The following BST2 variants were observed in gnomAD, a reference collection of about 807,000 sequenced individuals.
BST2 encodes bone marrow stromal cell antigen 2, also known as bone marrow stromal antigen 2.
In BST2, 10 loss-of-function variants were observed where a neutral mutation model predicts 18.6. The ratio of observed to expected loss-of-function variants is 0.54; its 90% CI spans 0.33 to 0.91. The LOEUF (loss-of-function observed/expected upper bound fraction) is 0.91, where lower values mean the gene tolerates loss of function less well. Among genes scored for constraint, BST2 ranks in the 40% least tolerant of loss-of-function variants. BST2 has a pLI of 0.02. For missense variants in BST2, 183 were observed against 228.4 expected (o/e 0.80, Z 1.28); for synonymous variants, 75 against 96.8 (o/e 0.77, Z 1.32).
At position 17,403,051 on chromosome 19, in the gene BST2, C is replaced by A. The variant is rs1017671684; in HGVS notation, c.*291G>T. On this transcript the variant is annotated 3_prime_UTR_variant, in exon 5 of 5. Coordinates refer to ENST00000252593, the MANE Select transcript of BST2 (RefSeq NM_004335.4). ...ATAACAACAGGCAGCACATGCCCCC[C>A]ACACCGCACCCCATGCCCAATCTCA... The A allele has an allele frequency of 2.0e-6, 2 of 985,158 alleles. No individual in the cohort carries two copies. The highest frequency in any genetic ancestry group is 2.4e-6 in the Non-Finnish European group (2 of 829,952). 61.0% of individuals were successfully genotyped at this position (985,158 alleles called of 1,614,324 possible).
rs746052733 is a variant in BST2 at position 17,405,264 on chromosome 19, G to A, written c.285+27C>T. The A allele has an allele frequency of 3.1e-6, 5 of 1,587,854 alleles. No homozygotes were observed. In the South Asian group the frequency reaches 4.6e-5, roughly 15 times the overall value. On this transcript the variant is annotated intron_variant, in intron 1 of 4. Transcript: ENST00000252593. Reference sequence around the variant, plus strand: ...TGTCCCTCCCACCGCCTAGTACTAGGCCATCCAAAGGAGTTGAGGAGCTTA... The same window carrying A: ...TGTCCCTCCCACCGCCTAGTACTAGACCATCCAAAGGAGTTGAGGAGCTTA...
Position 17,403,156 on chromosome 19 carries a change from C to A in BST2, c.*186G>T, listed in dbSNP as rs1452629532. On this transcript the variant is annotated 3_prime_UTR_variant, in exon 5 of 5. Coordinates refer to ENST00000252593, the MANE Select transcript of BST2 (RefSeq NM_004335.4). ...CAGCCCTGGGTCAACCCGACTGTGT[C>A]CCCACACCCAGGACTTCCCCATGGC... is the stretch of plus-strand genomic sequence containing the variant. The A allele has an allele frequency of 8.1e-6, 8 of 987,598 alleles. No individual in the cohort carries two copies. Among genetic ancestry groups the A allele is most frequent in the Non-Finnish European group, 9.6e-6 (8 of 831,474 alleles). 61.2% of individuals were successfully genotyped at this position (987,598 alleles called of 1,614,324 possible).
At position 17,405,489 on chromosome 19, in the gene BST2, C is replaced by G; in HGVS notation, c.87G>C (p.Leu29=). 1 of 1,614,232 alleles carries G rather than the reference C, an allele frequency of 6.2e-7. No homozygotes were observed. The highest frequency in any genetic ancestry group is 1.3e-5 in the African/African-American group (1 of 75,062). The change falls in exon 1 of 5, where the codon CTG becomes CTC. Residue 29 remains leucine (L), a synonymous_variant. Transcript: ENST00000252593. The stretch of plus-strand genomic sequence containing the variant: ...CCAGAATCACGATGATCAGGAGCAC[C>G]AGAATTCCTATCCCCAGCAGAAGCT... The part of the protein sequence containing the change: ...RCKLLLGIGI[L]VLLIIVILGV...
Position 17,403,292 on chromosome 19 carries a change from G to T in BST2, c.*50C>A. ...GATGAGATCAAGGGAATGTTCAAGC[G>T]AAAAGCCGAGCAGGACGGACCTTCC... On this transcript the variant is annotated 3_prime_UTR_variant, in exon 5 of 5. Coordinates refer to ENST00000252593, the MANE Select transcript of BST2 (RefSeq NM_004335.4). The T allele has an allele frequency of 9.4e-7, 1 of 1,058,826 alleles. No homozygotes were observed. 65.6% of individuals were successfully genotyped at this position (1,058,826 alleles called of 1,614,324 possible).
In BST2 at chr19:17,405,553, T is replaced by C; in HGVS notation, c.23A>G (p.Tyr8Cys). MASTSYD[Y>C]CRVPMEDGDK... ...CCCGTCTTCCATGGGCACTCTGCAATAGTCATACGAAGTAGATGCCATCCA... is the reference window on the plus strand; with the variant it reads ...CCCGTCTTCCATGGGCACTCTGCAACAGTCATACGAAGTAGATGCCATCCA... Residue 8 changes from tyrosine to cysteine, a missense_variant, in exon 1 of 5, where the codon TAT becomes TGT. Tyr to Cys is a radical substitution (Grantham distance 194). Coordinates refer to ENST00000252593, the MANE Select transcript of BST2 (RefSeq NM_004335.4). 1 of 1,612,482 alleles carries C rather than the reference T, an allele frequency of 6.2e-7. No individual in the cohort carries two copies. Among genetic ancestry groups the C allele is most frequent in the Non-Finnish European group, 8.5e-7 (1 of 1,179,536 alleles).
rs566832131 is a variant in BST2 at position 17,404,448 on chromosome 19, T to A, written c.286-11A>T. 2.3e-5 allele frequency: 37 copies of A among 1,613,910 alleles called. No homozygotes were observed. The highest frequency in any genetic ancestry group is 2.5e-5 in the Non-Finnish European group (29 of 1,179,970). On this transcript the variant is annotated splice_polypyrimidine_tract_variant and intron_variant, in intron 1 of 4. Coordinates refer to ENST00000252593, the MANE Select transcript of BST2 (RefSeq NM_004335.4). ...AGCCATTAGGGCCATCTAAGAAGAG[T>A]TAGAATCTGGGGTTTTGGCCTGGGG...
rs1202621744 is a variant in BST2 at position 17,404,456 on chromosome 19, TG to T, written c.286-20del. On this transcript the variant is annotated intron_variant, in intron 1 of 4. Transcript: ENST00000252593. The stretch of plus-strand genomic sequence containing the variant: ...GGGCCATCTAAGAAGAGTTAGAATC[TG>T]GGGTTTTGGCCTGGGGAGTTTGGCT... 1 of 1,614,128 alleles carries T rather than the reference TG, an allele frequency of 6.2e-7. No homozygotes were observed. Among genetic ancestry groups the T allele is most frequent in the Non-Finnish European group, 8.5e-7 (1 of 1,180,006 alleles).
intron 2 of BST2, 39 bp downstream of exon 2, chr19:17,404,332 C>T: frequency 6.6e-7 from 1 of 1,522,444 alleles, no homozygotes; most frequent in Non-Finnish European, 9.1e-7. Context: ...CCATACCTGA[C>T]TCACCCCTCC....
chr19:17,404,469 T>TA, intron 1 of BST2, 32 bp from the exon 2 acceptor site: 1 of 1,613,984 alleles, frequency 6.2e-7, no homozygotes, highest in Middle Eastern at 1.7e-4. Flanking sequence ...GGTTTTGGCC[T>TA]GGGGAGTTTG....
At chr19:17,403,400 A>AACCCCCCCC in intron 4 of BST2, 74 bp from the exon 5 acceptor site, 1 of 1,001,860 alleles carries the variant, frequency 1.0e-6, no homozygotes, top group Non-Finnish European at 1.2e-6. Context: ...CCCGGCCCCA[A>AACCCCCCCC]GCCCCGCCCC....
intron 2 of BST2, 80 bp from the exon 3 acceptor site, chr19:17,404,269 C>T: frequency 6.4e-7 from 1 of 1,558,004 alleles, no homozygotes; most frequent in Non-Finnish European, 8.8e-7. Flanking sequence ...TGGGACAGAA[C>T]CTCCCCCTTA....
intron 4 of BST2, 75 bp downstream of exon 4, chr19:17,403,605 C>A: frequency 6.5e-7 from 1 of 1,541,514 alleles, no homozygotes; most frequent in Admixed American, 1.9e-5. Context: ...TCTCTCTAGA[C>A]TTCGGAGCCT....
intron 3 of BST2, 77 bp from the exon 4 acceptor site, chr19:17,403,901 G>A (rs2145744970): frequency 6.4e-7 from 1 of 1,550,866 alleles, no homozygotes; most frequent in Admixed American, 1.8e-5. Flanking sequence ...CCGCCCCCGG[G>A]AGTTCCCCCC....
At chr19:17,405,247 C>A in intron 1 of BST2, 44 bp downstream of exon 1, 2 of 1,536,520 alleles carry the variant, frequency 1.3e-6, no homozygotes, top group Non-Finnish European at 1.8e-6. Flanking sequence ...CTTGTCCCTC[C>A]CACCGCCTAG....
At chr19:17,404,223 G>T in intron 2 of BST2, 34 bp from the exon 3 acceptor site, 1 of 1,592,214 alleles carries the variant, frequency 6.3e-7, no homozygotes, top group Non-Finnish European at 8.6e-7. Flanking sequence ...CAGGGGGCGG[G>T]TCAGCATGTG....
In BST2 at chr19:17,405,400, G is replaced by A. The variant is rs2074720634; in HGVS notation, c.176C>T (p.Ala59Val). ...NSEACRDGLR[A>V]VMECRNVTHL... ...GGTGACATTGCGACACTCCATCACT[G>A]CCCGAAGGCCGTCCCGGCAGGCCTC... The change falls in exon 1 of 5, where the codon GCA becomes GTA. Residue 59 changes from alanine to valine, a missense_variant. Ala to Val is a moderately conservative substitution (Grantham distance 64). Transcript: ENST00000252593. 1.9e-6 allele frequency: 3 copies of A among 1,614,120 alleles called. No homozygotes were observed. The South Asian group carries it at 3.3e-5, about 18-fold the overall frequency.
Position 17,403,056 on chromosome 19 carries a change from C to T in BST2, c.*286G>A, listed in dbSNP as rs927397088. ...AACAGGCAGCACATGCCCCCCACACCGCACCCCATGCCCAATCTCAGGGTG... is the reference window on the plus strand; with the variant it reads ...AACAGGCAGCACATGCCCCCCACACTGCACCCCATGCCCAATCTCAGGGTG... On this transcript the variant is annotated 3_prime_UTR_variant, in exon 5 of 5. Transcript: ENST00000252593. 2.0e-6 allele frequency: 2 copies of T among 984,880 alleles called. No individual in the cohort carries two copies. Among genetic ancestry groups the T allele is most frequent in the African/African-American group, 3.5e-5 (2 of 56,890 alleles). 61.0% of individuals were successfully genotyped at this position (984,880 alleles called of 1,614,324 possible). A position where few individuals can be genotyped will look rare whatever the true frequency, so the allele number is the denominator to read the frequency against.
chr19:17,403,168 G>A lies in BST2; in HGVS notation c.*174C>T. 1 of 990,076 alleles carries A rather than the reference G, an allele frequency of 1.0e-6. No homozygotes were observed. Among genetic ancestry groups the A allele is most frequent in the Non-Finnish European group, 1.2e-6 (1 of 832,870 alleles). The allele number at this position is 990,076 out of a possible 1,614,324, so 61.3% of individuals were successfully genotyped here. ...AACCCGACTGTGTCCCCACACCCAGGACTTCCCCATGGCCCCTCCAGACCT... is the reference window on the plus strand; with the variant it reads ...AACCCGACTGTGTCCCCACACCCAGAACTTCCCCATGGCCCCTCCAGACCT... On this transcript the variant is annotated 3_prime_UTR_variant, in exon 5 of 5. Coordinates refer to ENST00000252593, the MANE Select transcript of BST2 (RefSeq NM_004335.4).
chr19:17,404,741 G>C (rs751052208), intron 1 of BST2, among the ~76,000 whole-genome samples: 11 of 152,172 alleles, frequency 7.2e-5, no homozygotes, highest in Non-Finnish European at 1.6e-4. Flanking sequence ...CCTGAGCAAT[G>C]GCCCAAGAAA....
Sources: gnomAD v4.1 joint callset for allele counts (sites outside exome capture counted in the v4.1 genomes callset) on GRCh38, gnomAD v4.1.1 for gene constraint, MANE v1.5 for transcripts, NCBI Gene and HGNC (gene_info 2026-07-23, HGNC 2026-07-21) for gene names.